Variants in ERBB4 observed in about 807,000 individuals in gnomAD.
ERBB4 encodes receptor tyrosine-protein kinase erbB-4.
Under a neutral mutation model 158.0 loss-of-function variants are expected in ERBB4, and 42 were observed. The observed-to-expected ratio is 0.27, with a 90% CI of 0.21 to 0.34. The LOEUF (loss-of-function observed/expected upper bound fraction) is 0.34, where lower values mean the gene tolerates loss of function less well. Among genes scored for constraint, ERBB4 ranks in the 10% least tolerant of loss-of-function variants. ERBB4 has a pLI of 1.00. For synonymous variants in ERBB4, 583 were observed against 558.7 expected (o/e 1.04, Z -0.61); for missense variants, 1,333 against 1,624.1 (o/e 0.82, Z 3.08).
rs199936766 is a variant in ERBB4 at position 212,356,582 on chromosome 2, G to GT, written c.82+181866dup. 6.3e-3 allele frequency among the ~76,000 whole-genome samples: 960 copies of GT among 151,532 alleles called. 5 individuals are homozygous for GT. Among genetic ancestry groups the GT allele is most frequent in the African/African-American group, 0.02 (841 of 41,370 alleles). On this transcript the variant is annotated intron_variant, in intron 1 of 27. Coordinates refer to ENST00000342788, the MANE Select transcript of ERBB4 (RefSeq NM_005235.3). ...ACATAACACTTGTCTCCTAAAGTAG[G>GT]TTTTTTTTGTTATTTTACCTGCTTA...
rs189757102 is a variant in ERBB4 at position 212,228,952 on chromosome 2, G to A, written c.83-104049C>T. ...GTATGCTGGCAAGTTAACAATGCCT[G>A]TCGTAAAAGAACTGGAATCTCTGTA... On this transcript the variant is annotated intron_variant, in intron 1 of 27. Coordinates refer to ENST00000342788, the MANE Select transcript of ERBB4 (RefSeq NM_005235.3). Among the ~76,000 whole-genome samples, 402 of 152,258 alleles carry A rather than the reference G, an allele frequency of 2.6e-3. 1 individual carries two copies. Among genetic ancestry groups the A allele is most frequent in the African/African-American group, 9.3e-3 (388 of 41,542 alleles).
chr2:212,132,471 G>A (rs984850315), intron 1 of ERBB4, among the ~76,000 whole-genome samples: 2 of 152,156 alleles, frequency 1.3e-5, no homozygotes, highest in African/African-American at 2.4e-5. Flanking sequence ...TCCCCAGTGT[G>A]GGTGAGTATT....
rs528505161 is a variant in ERBB4 at position 212,036,169 on chromosome 2, C to T, written c.235-88553G>A. On this transcript the variant is annotated intron_variant, in intron 2 of 27. Transcript: ENST00000342788. ...ACCTCATTGCTATCTACTTGAGGTT[C>T]ATATTGAGAAGACAGTTAGCCTACT... 4.0e-3 allele frequency among the ~76,000 whole-genome samples: 606 copies of T among 152,196 alleles called. 4 individuals are homozygous for T. The highest frequency in any genetic ancestry group is 5.2e-3 in the Non-Finnish European group (354 of 68,022).
chr2:212,257,805 C>T (rs1270234338), intron 1 of ERBB4, among the ~76,000 whole-genome samples: 1 of 151,842 alleles, frequency 6.6e-6, no homozygotes, highest in Non-Finnish European at 1.5e-5. Context: ...GATTCAGTTC[C>T]CACTTGTAAA....
chr2:212,187,535 T>C (rs1337510175), intron 1 of ERBB4, among the ~76,000 whole-genome samples: 1 of 152,034 alleles, frequency 6.6e-6, no homozygotes, highest in Non-Finnish European at 1.5e-5. Flanking sequence ...AACTATGGAA[T>C]TGCTGAAGTA....
At chr2:212,307,007 T>G (rs1285103031) in intron 1 of ERBB4, among the ~76,000 whole-genome samples, 1 of 151,200 alleles carries the variant, frequency 6.6e-6, no homozygotes, top group Non-Finnish European at 1.5e-5. Context: ...TTTGAGAGAG[T>G]TTAAAATGAA....
At chr2:211,418,776 G>A (rs886383591) in intron 25 of ERBB4, among the ~76,000 whole-genome samples, 1 of 152,034 alleles carries the variant, frequency 6.6e-6, no homozygotes, top group Non-Finnish European at 1.5e-5. Context: ...ATTTTGCAAA[G>A]TGTACAGAGA....
chr2:212,066,603 C>T (rs1382976044), intron 2 of ERBB4, among the ~76,000 whole-genome samples: 3 of 151,966 alleles, frequency 2.0e-5, no homozygotes, highest in Non-Finnish European at 2.9e-5. Context: ...AGTGTAAATG[C>T]TATCCATCAT....
At position 211,947,724 on chromosome 2, in the gene ERBB4, T is replaced by C. The variant is rs150161440; in HGVS notation, c.235-108A>G. The C allele has an allele frequency of 2.4e-4, 208 of 872,910 alleles. 1 individual carries two copies. The African/African-American group carries it at 3.3e-3, about 14-fold the overall frequency. 54.1% of individuals were successfully genotyped at this position (872,910 alleles called of 1,614,324 possible). A position where few individuals can be genotyped will look rare whatever the true frequency, so the allele number is the denominator to read the frequency against. ...TTAAACTCTAATTTTCAGTTTTTAG[T>C]TTAATACATTATTTTCCATATCATA... On this transcript the variant is annotated intron_variant, in intron 2 of 27. Transcript: ENST00000342788.
intron 1 of ERBB4, among the ~76,000 whole-genome samples, chr2:212,290,521 G>A (rs2106178375): frequency 6.6e-6 from 1 of 152,258 alleles, no homozygotes; most frequent in African/African-American, 2.4e-5. Context: ...CCTAGGGAAG[G>A]GAAGCTCCTT....
At chr2:212,492,491 C>T (rs1409377493) in intron 1 of ERBB4, among the ~76,000 whole-genome samples, 1 of 151,368 alleles carries the variant, frequency 6.6e-6, no homozygotes, top group Non-Finnish European at 1.5e-5. Context: ...TAATTGCCTA[C>T]ATTTAATATT....
chr2:212,398,367 C>A lies in ERBB4; in HGVS notation c.82+140082G>T, dbSNP rs182251838. On this transcript the variant is annotated intron_variant, in intron 1 of 27. Coordinates refer to ENST00000342788, the MANE Select transcript of ERBB4 (RefSeq NM_005235.3). ...AAACTTTATTCAGTGACAGCTTGAA[C>A]CAAATATCCAACATAAGAAAAGCTG... is the stretch of plus-strand genomic sequence containing the variant. Among the ~76,000 whole-genome samples, 245 of 152,036 alleles carry A rather than the reference C, an allele frequency of 1.6e-3. 1 individual carries two copies. The highest frequency in any genetic ancestry group is 2.3e-3 in the South Asian group (11 of 4,816).
chr2:211,664,578 A>G (rs1392107513), intron 15 of ERBB4, among the ~76,000 whole-genome samples: 1 of 152,192 alleles, frequency 6.6e-6, no homozygotes, highest in Non-Finnish European at 1.5e-5. Context: ...GATGAATGAC[A>G]TTATTTCTTT....
intron 9 of ERBB4, among the ~76,000 whole-genome samples, chr2:211,711,838 T>G (rs933876629): frequency 3.3e-5 from 5 of 152,166 alleles, no homozygotes; most frequent in Non-Finnish European, 7.4e-5. Context: ...TTTATATTTT[T>G]GACCTTAGTC....
rs73062452 is a variant in ERBB4, at chr2:212,233,955, T to C, written c.83-109052A>G. 3.9e-3 allele frequency among the ~76,000 whole-genome samples: 543 copies of C among 137,872 alleles called. 2 individuals carry two copies. Among genetic ancestry groups the C allele is most frequent in the African/African-American group, 0.014 (515 of 36,698 alleles). The allele number at this position is 137,872 out of a possible 152,430, so 90.4% of individuals were successfully genotyped here. A position where few individuals can be genotyped will look rare whatever the true frequency, so the allele number is the denominator to read the frequency against. ...TCTAGATGTTTTTGTATATGTCTCT[T>C]TGCATTATTTATTATTATTATTATT... On this transcript the variant is annotated intron_variant, in intron 1 of 27. Transcript: ENST00000342788.
chr2:211,561,030 A>G (rs2067377976), intron 20 of ERBB4, among the ~76,000 whole-genome samples: 1 of 152,198 alleles, frequency 6.6e-6, no homozygotes, highest in African/African-American at 2.4e-5. Flanking sequence ...CTAAGAGTTG[A>G]CATAATTAAA....
chr2:211,527,614 A>G (rs1371300691), intron 20 of ERBB4, among the ~76,000 whole-genome samples: 1 of 152,082 alleles, frequency 6.6e-6, no homozygotes, highest in Non-Finnish European at 1.5e-5. Context: ...GGACTAAAAG[A>G]TAAAGCAATC....
chr2:212,182,152 T>C (rs959891064), intron 1 of ERBB4, among the ~76,000 whole-genome samples: 1 of 151,828 alleles, frequency 6.6e-6, no homozygotes, highest in African/African-American at 2.4e-5. Flanking sequence ...ATGTTCTAAA[T>C]TCCTAACATC....
intron 5 of ERBB4, among the ~76,000 whole-genome samples, chr2:211,746,381 T>C (rs758134777): frequency 2.0e-5 from 3 of 152,222 alleles, no homozygotes; most frequent in Admixed American, 6.5e-5. Flanking sequence ...ACAGTGGCCG[T>C]TAAGCCAATT....
Sources: gnomAD v4.1 joint callset for allele counts (sites outside exome capture counted in the v4.1 genomes callset) on GRCh38, gnomAD v4.1.1 for gene constraint, MANE v1.5 for transcripts, NCBI Gene and HGNC (gene_info 2026-07-23, HGNC 2026-07-21) for gene names.